FMN1: variants seen among roughly 807,000 people sequenced by gnomAD.
FMN1 encodes the protein formin-1.
A neutral mutation model predicts 132.4 loss-of-function variants in FMN1; 110 were observed. The observed-to-expected ratio is 0.83, with a 90% CI of 0.71 to 0.97. The LOEUF (loss-of-function observed/expected upper bound fraction) is 0.97, where lower values mean the gene tolerates loss of function less well. Among genes scored for constraint, FMN1 ranks in the 50% least tolerant of loss-of-function variants. The probability of loss-of-function intolerance (pLI) is 0.00; values close to 1 mark genes in which losing one functional copy is unlikely to be tolerated. For missense variants in FMN1, 1,792 were observed against 1,705.3 expected (o/e 1.05, Z -0.90); for synonymous variants, 722 against 651.7 (o/e 1.11, Z -1.64).
In FMN1 at chr15:33,180,744, CTT is replaced by C. The variant is rs35033683; in HGVS notation, c.-196-484_-196-483del. On this transcript the variant is annotated intron_variant, in intron 2 of 20. Transcript: ENST00000616417. ...ATCCCTTCAGAGGCTCTCCTGCTGC[CTT>C]TTTTTTTTTTTTTTTTTTTTAAGAC... Among the ~76,000 whole-genome samples the C allele has an allele frequency of 2.7e-3, 292 of 108,234 alleles. 2 individuals are homozygous for C. The highest frequency in any genetic ancestry group is 9.4e-3 in the African/African-American group (261 of 27,874). 71.0% of individuals were successfully genotyped at this position (108,234 alleles called of 152,430 possible). A position where few individuals can be genotyped will look rare whatever the true frequency, so the allele number is the denominator to read the frequency against.
chr15:32,979,008 T>G (rs1458660791), intron 7 of FMN1, among the ~76,000 whole-genome samples: 1 of 152,166 alleles, frequency 6.6e-6, no homozygotes, highest in Non-Finnish European at 1.5e-5. Flanking sequence ...AACTTATACA[T>G]AAGACTCTAG....
At chr15:32,936,435 C>T (rs111466338) in intron 9 of FMN1, among the ~76,000 whole-genome samples, 7 of 152,188 alleles carry the variant, frequency 4.6e-5, no homozygotes, top group Non-Finnish European at 8.8e-5. Context: ...TCTGGACTTA[C>T]GTATGTGAAT....
At chr15:33,021,318 T>C (rs2035405297) in intron 6 of FMN1, among the ~76,000 whole-genome samples, 1 of 152,096 alleles carries the variant, frequency 6.6e-6, no homozygotes, top group South Asian at 2.1e-4. Context: ...CACAGCATTA[T>C]TACAGCAATA....
intron 6 of FMN1, among the ~76,000 whole-genome samples, chr15:33,027,678 C>T (rs1419871619): frequency 6.6e-6 from 1 of 151,224 alleles, no homozygotes; most frequent in African/African-American, 2.5e-5. Context: ...CCGACTTTCT[C>T]ATAACTGATA....
chr15:33,094,241 A>G (rs921836058), intron 4 of FMN1, among the ~76,000 whole-genome samples: 4 of 152,234 alleles, frequency 2.6e-5, no homozygotes, highest in Non-Finnish European at 5.9e-5. Context: ...AATGAAGATA[A>G]TAAGAATATG....
rs1321491413 is a variant in FMN1 at position 32,804,661 on chromosome 15, GC to G, written c.3929-330del. ...TATTTCTAATACTATCCCTCCCCCAGCCCCCCACCCCCCAACAGGCCCCAGT... is the reference window on the plus strand; with the variant it reads ...TATTTCTAATACTATCCCTCCCCCAGCCCCCACCCCCCAACAGGCCCCAGT... On this transcript the variant is annotated intron_variant, in intron 17 of 20. Transcript: ENST00000616417. Among the ~76,000 whole-genome samples, 9 of 30,388 alleles carry G rather than the reference GC, an allele frequency of 3.0e-4. 1 individual carries two copies. Among genetic ancestry groups the G allele is most frequent in the Admixed American group, 2.5e-3 (8 of 3,248 alleles). 19.9% of individuals were successfully genotyped at this position (30,388 alleles called of 152,430 possible). A position where few individuals can be genotyped will look rare whatever the true frequency, so the allele number is the denominator to read the frequency against.
intron 5 of FMN1, chr15:33,067,092 C>T (rs774470624): frequency 1.9e-6 from 3 of 1,614,002 alleles, no homozygotes; most frequent in Non-Finnish European, 2.5e-6. Context: ...TCTCCAGAGA[C>T]TTCTTTTTTA....
intron 18 of FMN1, among the ~76,000 whole-genome samples, chr15:32,801,537 C>A (rs150351199): frequency 7.4e-4 from 112 of 152,060 alleles, no homozygotes; most frequent in African/African-American, 2.4e-3. Flanking sequence ...GAGGCCGAGG[C>A]GGGTGCATCA....
chr15:33,124,637 T>C (rs1962876713), intron 4 of FMN1, among the ~76,000 whole-genome samples: 1 of 152,210 alleles, frequency 6.6e-6, no homozygotes, highest in Admixed American at 6.5e-5. Context: ...ATTTGGTATC[T>C]AATAATCTGT....
At chr15:33,151,162 C>T in intron 4 of FMN1, 5 of 1,479,120 alleles carry the variant, frequency 3.4e-6, no homozygotes, top group Non-Finnish European at 4.5e-6. Context: ...AACTCCCTCC[C>T]TCATGCCTTT....
At chr15:32,932,214 C>G (rs1404894975) in intron 9 of FMN1, among the ~76,000 whole-genome samples, 1 of 152,120 alleles carries the variant, frequency 6.6e-6, no homozygotes, top group Non-Finnish European at 1.5e-5. Flanking sequence ...GCCTGGCCAA[C>G]ATGGTGAAAC....
At chr15:33,118,362 G>A (rs951720163) in intron 4 of FMN1, among the ~76,000 whole-genome samples, 5 of 151,364 alleles carry the variant, frequency 3.3e-5, no homozygotes, top group Admixed American at 3.3e-4. Context: ...AAATTCTCAG[G>A]GGCATACTAA....
At chr15:32,960,412 A>T (rs939127792) in intron 9 of FMN1, among the ~76,000 whole-genome samples, 1 of 152,212 alleles carries the variant, frequency 6.6e-6, no homozygotes, top group Non-Finnish European at 1.5e-5. Flanking sequence ...GTGGGGTCAC[A>T]GAGCCAATTT....
At chr15:33,017,749 T>C (rs1420016659) in intron 6 of FMN1, among the ~76,000 whole-genome samples, 1 of 152,208 alleles carries the variant, frequency 6.6e-6, no homozygotes, top group Non-Finnish European at 1.5e-5. Context: ...CGCTATGGTT[T>C]GAATGTTTGT....
intron 5 of FMN1, chr15:33,067,479 A>G: frequency 6.2e-7 from 1 of 1,614,024 alleles, no homozygotes; most frequent in Non-Finnish European, 8.5e-7. Flanking sequence ...CCACGAACAC[A>G]AATGACATCG....
intron 4 of FMN1, among the ~76,000 whole-genome samples, chr15:33,131,455 G>A (rs1349238733): frequency 6.6e-6 from 1 of 151,914 alleles, no homozygotes; most frequent in Non-Finnish European, 1.5e-5. Flanking sequence ...GGAAACAAGT[G>A]TTGAAAACGA....
At chr15:32,892,834 T>C (rs116375199) in intron 15 of FMN1, among the ~76,000 whole-genome samples, 2,565 of 152,312 alleles carry the variant, frequency 0.017, 65 homozygotes, top group African/African-American at 0.059. Flanking sequence ...CTAGGTTTTC[T>C]AGTTTATGTA....
intron 13 of FMN1, 64 bp downstream of exon 13, chr15:32,901,847 C>A: frequency 7.2e-7 from 1 of 1,394,440 alleles, no homozygotes; most frequent in Admixed American, 2.4e-5. Flanking sequence ...TTAAAGTGGT[C>A]TCTCCCACTT....
intron 9 of FMN1, among the ~76,000 whole-genome samples, chr15:32,933,805 G>C (rs1000966461): frequency 1.3e-5 from 2 of 152,064 alleles, no homozygotes; most frequent in African/African-American, 4.8e-5. Flanking sequence ...AAGGATGTCA[G>C]TTGTTGGTTT....
Sources: allele counts gnomAD v4.1 joint callset (sites outside exome capture counted in the v4.1 genomes callset), GRCh38; gene constraint gnomAD v4.1.1; transcripts MANE v1.5; gene names NCBI Gene and HGNC (gene_info 2026-07-23, HGNC 2026-07-21).